The following ZNF503 variants were observed in gnomAD, a reference collection of about 807,000 sequenced individuals.
The protein encoded by ZNF503 is NocA-like zinc finger 2.
In ZNF503, 15 loss-of-function variants were observed where a neutral mutation model predicts 34.4. The observed-to-expected ratio is 0.44, with a 90% CI of 0.29 to 0.67. The LOEUF is 0.67. ZNF503 is among the 30% of genes least tolerant of loss of function. The pLI is 0.13. For synonymous variants in ZNF503, 580 were observed against 456.8 expected (o/e 1.27, Z -3.44); for missense variants, 1,007 against 926.8 (o/e 1.09, Z -1.12).
At chr10:75,322,856 C>T in the ZNF503 span, among the ~76,000 whole-genome samples, 1 of 152,126 alleles carries the variant, frequency 6.6e-6, no homozygotes, top group Non-Finnish European at 1.5e-5. Context: ...AACTAACCAA[C>T]CAACCAACAT....
the ZNF503 span, among the ~76,000 whole-genome samples, chr10:75,323,772 G>A: frequency 1.2e-4 from 19 of 152,076 alleles, no homozygotes; most frequent in East Asian, 2.9e-3. Context: ...AGGCCAAGGC[G>A]GGCAGATCAC....
At chr10:75,304,720 G>T in the ZNF503 span, among the ~76,000 whole-genome samples, 2 of 152,012 alleles carry the variant, frequency 1.3e-5, no homozygotes, top group Non-Finnish European at 1.5e-5. Context: ...CCTCAATAAA[G>T]ACAAGTAGCA....
the ZNF503 span, among the ~76,000 whole-genome samples, chr10:75,392,653 C>CA: frequency 2.6e-5 from 4 of 152,074 alleles, no homozygotes; most frequent in African/African-American, 9.7e-5. Context: ...GGCAAACAGG[C>CA]AAAATCAGAG....
chr10:75,399,992 G>A lies in ZNF503; in HGVS notation c.698C>T (p.Ala233Val), dbSNP rs1222551382. ...CATACCTCCCGGCGAGCAGGCCGAG[G>A]CGCTGGAGCTCGGGCTGCCTGTCCT... ...TPRTGSPSSS[A>V]SACSPGGMLS... The change falls in exon 2 of 2, where the codon GCC (alanine) becomes GTC (valine). Residue 233 changes from alanine to valine, a missense_variant. Physicochemically the swap from Ala to Val is moderately conservative, Grantham distance 64. Coordinates refer to ENST00000372524, the MANE Select transcript of ZNF503 (RefSeq NM_032772.6). The A allele has an allele frequency of 1.2e-6, 2 of 1,605,738 alleles. No homozygotes were observed. Among genetic ancestry groups the A allele is most frequent in the Non-Finnish European group, 1.7e-6 (2 of 1,179,252 alleles).
chr10:75,288,988 C>A, the ZNF503 span, among the ~76,000 whole-genome samples: 1 of 152,086 alleles, frequency 6.6e-6, no homozygotes, highest in Non-Finnish European at 1.5e-5. Context: ...TGAACTGGCC[C>A]AGCTCTCTTG....
At chr10:75,353,728 C>G in the ZNF503 span, among the ~76,000 whole-genome samples, 4 of 152,210 alleles carry the variant, frequency 2.6e-5, no homozygotes, top group African/African-American at 9.7e-5. Flanking sequence ...AAGGTGACAC[C>G]TGTCCATCCT....
chr10:75,382,391 A>G, the ZNF503 span: 1 of 349,234 alleles, frequency 2.9e-6, no homozygotes, highest in South Asian at 2.9e-5. Context: ...CAGTGTCCTC[A>G]ACTTGTATTC....
the ZNF503 span, chr10:75,350,470 G>A: frequency 3.9e-5 from 6 of 152,152 alleles, no homozygotes; most frequent in Non-Finnish European, 8.8e-5. Flanking sequence ...CCCAATCAGA[G>A]GTAACCACTG....
the ZNF503 span, chr10:75,298,868 C>A: frequency 1.3e-5 from 2 of 151,962 alleles, no homozygotes; most frequent in African/African-American, 4.8e-5. Context: ...AAGCAATCCA[C>A]CTGCCTTGGC....
At chr10:75,378,446 A>C in the ZNF503 span, among the ~76,000 whole-genome samples, 1 of 151,940 alleles carries the variant, frequency 6.6e-6, no homozygotes, top group African/African-American at 2.4e-5. Context: ...CCCATGGCTT[A>C]TGCTTCCTGG....
chr10:75,288,392 T>C, the ZNF503 span: 2 of 152,326 alleles, frequency 1.3e-5, no homozygotes, highest in African/African-American at 4.8e-5. Flanking sequence ...TTGGGCTACA[T>C]GTCCAAGGCC....
chr10:75,396,201 C>T (rs1843694705), downstream of ZNF503, among the ~76,000 whole-genome samples: 1 of 152,176 alleles, frequency 6.6e-6, no homozygotes, highest in Non-Finnish European at 1.5e-5. The surrounding 1 kb of genome is among the most constrained non-coding windows in gnomAD (Gnocchi z 4.4). Context: ...GGCCAGGATT[C>T]TCAAGGAACC....
At chr10:75,401,079 G>C (rs373391540) in intron 1 of ZNF503, 26 bp downstream of exon 1, 66 of 1,613,458 alleles carry the variant, frequency 4.1e-5, no homozygotes, top group Non-Finnish European at 5.3e-5. Context: ...AGTGGTCCCA[G>C]TGCGATCCAG....
chr10:75,385,094 G>A, the ZNF503 span, among the ~76,000 whole-genome samples: 564 of 152,322 alleles, frequency 3.7e-3, 4 homozygotes, highest in Middle Eastern at 0.01. Context: ...GCCACGCCAA[G>A]GACAGAGCCT....
chr10:75,350,907 C>T, the ZNF503 span, among the ~76,000 whole-genome samples: 1 of 152,224 alleles, frequency 6.6e-6, no homozygotes, highest in East Asian at 1.9e-4. Flanking sequence ...TCTTTTTTCA[C>T]TCAGCAGTAT....
At chr10:75,367,057 G>A in the ZNF503 span, among the ~76,000 whole-genome samples, 2 of 152,188 alleles carry the variant, frequency 1.3e-5, no homozygotes, top group African/African-American at 4.8e-5. Context: ...TGTTACTGAA[G>A]CAAGATAATT....
At chr10:75,325,329 ATTTT>A in the ZNF503 span, among the ~76,000 whole-genome samples, 89 of 94,016 alleles carry the variant, frequency 9.5e-4, no homozygotes, top group African/African-American at 3.1e-3. Context: ...ATATATATAT[ATTTT>A]TTTTTTTTTT....
the ZNF503 span, among the ~76,000 whole-genome samples, chr10:75,358,060 T>G: frequency 8.5e-5 from 13 of 152,122 alleles, no homozygotes; most frequent in Non-Finnish European, 1.8e-4. Flanking sequence ...CGTGGGCCAC[T>G]CTATGGAGAG....
At chr10:75,385,892 C>T in the ZNF503 span, among the ~76,000 whole-genome samples, 1 of 152,284 alleles carries the variant, frequency 6.6e-6, no homozygotes, top group East Asian at 1.9e-4. Flanking sequence ...GTACACATCA[C>T]TCACACCCCA....
Sources: allele counts gnomAD v4.1 joint callset (sites outside exome capture counted in the v4.1 genomes callset), GRCh38; gene constraint gnomAD v4.1.1; non-coding constraint Gnocchi (gnomAD v3.1); transcripts MANE v1.5; gene names NCBI Gene and HGNC (gene_info 2026-07-23, HGNC 2026-07-21).